FRAS1: variants seen among roughly 807,000 people sequenced by gnomAD.
The protein encoded by FRAS1 is Fraser extracellular matrix complex subunit 1.
A neutral mutation model predicts 435.2 loss-of-function variants in FRAS1; 290 were observed. That is an observed-to-expected ratio of 0.67 (90% confidence interval 0.61 to 0.73). The LOEUF (loss-of-function observed/expected upper bound fraction) is 0.73. Among genes scored for constraint, FRAS1 ranks in the 30% least tolerant of loss-of-function variants. FRAS1 has a pLI of 0.00. For missense variants in FRAS1, 4,860 were observed against 5,001.5 expected, an observed-to-expected ratio of 0.97 and a Z score of 0.85; for synonymous variants, 1,800 against 1,851.0, an observed-to-expected ratio of 0.97 and a Z score of 0.71.
At chr4:78,067,656 C>CT (rs10713099) in intron 2 of FRAS1, among the ~76,000 whole-genome samples, 10 of 137,554 alleles carry the variant, frequency 7.3e-5, no homozygotes, top group African/African-American at 1.1e-4. Flanking sequence ...GTTTCTTTTT[C>CT]TTTTTTTTTC....
chr4:78,432,349 C>A lies in FRAS1; in HGVS notation c.4970-8C>A. On this transcript the variant is annotated splice_polypyrimidine_tract_variant and splice_region_variant and intron_variant, in intron 37 of 73. Coordinates refer to ENST00000512123, the MANE Select transcript of FRAS1 (RefSeq NM_025074.7). The stretch of plus-strand genomic sequence containing the variant: ...CAACTCGTTTGCAATTTGTTTTATT[C>A]TTGGAAGGTGACACTTTCACCTATG... 1 of 1,586,440 alleles carries A rather than the reference C, an allele frequency of 6.3e-7. No individual in the cohort carries two copies. The highest frequency in any genetic ancestry group is 8.6e-7 in the Non-Finnish European group (1 of 1,163,938).
chr4:78,489,968 C>CAAAAAAAAAA (rs61568957), intron 59 of FRAS1, among the ~76,000 whole-genome samples: 1,536 of 91,422 alleles, frequency 0.017, 33 homozygotes, highest in East Asian at 0.04. Context: ...TAGTGGAAAA[C>CAAAAAAAAAA]AAAAAAAAAA....
In FRAS1 at chr4:78,407,894, C is replaced by A. The variant is rs566136450; in HGVS notation, c.4308+53C>A. ...AGTCTGATGAATCCAATAATCCAAT[C>A]GCTCTTATTTATAATCAACTTGAGT... On this transcript the variant is annotated intron_variant, in intron 31 of 73. Transcript: ENST00000512123. 4 of 1,429,238 alleles carry A rather than the reference C, an allele frequency of 2.8e-6. No individual in the cohort carries two copies. In the African/African-American group the frequency reaches 5.7e-5, roughly 21 times the overall value. 88.5% of individuals were successfully genotyped at this position (1,429,238 alleles called of 1,614,324 possible).
intron 2 of FRAS1, chr4:78,181,876 C>G (rs1450397890): frequency 3.8e-5 from 61 of 1,611,710 alleles, no homozygotes; most frequent in Admixed American, 1.2e-4. Flanking sequence ...TCTGGGCCGC[C>G]GCCTGAGCTG....
At chr4:78,153,521 C>A (rs1338926220) in intron 2 of FRAS1, among the ~76,000 whole-genome samples, 1 of 152,182 alleles carries the variant, frequency 6.6e-6, no homozygotes, top group Non-Finnish European at 1.5e-5. Context: ...AAATAGACGG[C>A]TCTTTCCTCT....
At chr4:78,132,516 G>A (rs186303382) in intron 2 of FRAS1, among the ~76,000 whole-genome samples, 1 of 152,166 alleles carries the variant, frequency 6.6e-6, no homozygotes. Context: ...TTACAGAATT[G>A]TAAGCACCTT....
At chr4:78,226,128 C>G (rs1405175243) in intron 2 of FRAS1, among the ~76,000 whole-genome samples, 1 of 152,162 alleles carries the variant, frequency 6.6e-6, no homozygotes, top group Admixed American at 6.5e-5. Context: ...CTCTTCTCAG[C>G]CATTACTATA....
At chr4:78,219,613 T>C (rs1398378418) in intron 2 of FRAS1, among the ~76,000 whole-genome samples, 2 of 152,218 alleles carry the variant, frequency 1.3e-5, no homozygotes, top group East Asian at 3.8e-4. Flanking sequence ...ATTTAAAATA[T>C]ATTTGTGTAA....
chr4:78,499,853 C>T lies in FRAS1; in HGVS notation c.9248C>T (p.Thr3083Met). ...QNRTSKVRCS[T>M]RDGSAQSGVD... ...AGGACCTCCAAGGTTCGCTGCAGCACGCGGGATGGCTCTGCCCAGTCTGGT... is the reference window on the plus strand; with the variant it reads ...AGGACCTCCAAGGTTCGCTGCAGCATGCGGGATGGCTCTGCCCAGTCTGGT... Residue 3083 changes from threonine to methionine, a missense_variant, in exon 61 of 74, where the codon ACG becomes ATG. Coordinates refer to ENST00000512123, the MANE Select transcript of FRAS1 (RefSeq NM_025074.7). The T allele has an allele frequency of 1.2e-6, 2 of 1,613,492 alleles. No homozygotes were observed. Among genetic ancestry groups the T allele is most frequent in the Middle Eastern group, 1.7e-4 (1 of 6,052 alleles).
At chr4:78,473,685 G>A in intron 53 of FRAS1, 88 bp downstream of exon 53, 2 of 932,308 alleles carry the variant, frequency 2.1e-6, no homozygotes, top group Non-Finnish European at 1.6e-6. Flanking sequence ...GGCAGCTCTA[G>A]TCACCTCTTG....
chr4:78,189,230 A>G (rs1228030017), intron 2 of FRAS1, among the ~76,000 whole-genome samples: 1 of 152,184 alleles, frequency 6.6e-6, no homozygotes, highest in African/African-American at 2.4e-5. Flanking sequence ...TAATATTTTC[A>G]TTAAACTTAG....
At chr4:78,120,945 T>C (rs574170057) in intron 2 of FRAS1, among the ~76,000 whole-genome samples, 1 of 152,200 alleles carries the variant, frequency 6.6e-6, no homozygotes, top group Non-Finnish European at 1.5e-5. Context: ...TCGTGGGAAA[T>C]TGAAATGTAG....
chr4:78,429,742 T>A (rs1262323977), intron 36 of FRAS1, among the ~76,000 whole-genome samples: 3 of 152,234 alleles, frequency 2.0e-5, no homozygotes, highest in Non-Finnish European at 4.4e-5. Flanking sequence ...GGTATTGTGA[T>A]TTTTGTTAGG....
chr4:78,117,805 C>A (rs1180194886), intron 2 of FRAS1, among the ~76,000 whole-genome samples: 1,514 of 136,848 alleles, frequency 0.011, no homozygotes, highest in African/African-American at 0.024. Context: ...GTAGTTTGAT[C>A]GTCTGAAGCC....
chr4:78,534,430 T>C lies in FRAS1; in HGVS notation c.10926-19T>C, dbSNP rs1475294894. 6.2e-7 allele frequency: 1 copy of C among 1,605,118 alleles called. No homozygotes were observed. The highest frequency in any genetic ancestry group is 1.1e-5 in the South Asian group (1 of 89,700). On this transcript the variant is annotated intron_variant, in intron 70 of 73. Coordinates refer to ENST00000512123, the MANE Select transcript of FRAS1 (RefSeq NM_025074.7). ...CTGACCCTGCTCTCAAAGAGCTCTT[T>C]GTTTCTCCTTGCATTTAGATTCCTG...
intron 35 of FRAS1, among the ~76,000 whole-genome samples, chr4:78,425,281 G>A (rs1266997094): frequency 3.9e-5 from 6 of 152,092 alleles, no homozygotes; most frequent in Admixed American, 2.0e-4. Context: ...GAGGCGAGTT[G>A]AGAAACTTGG....
chr4:78,157,119 T>C (rs941785536), intron 2 of FRAS1, among the ~76,000 whole-genome samples: 3 of 152,216 alleles, frequency 2.0e-5, no homozygotes, highest in African/African-American at 7.2e-5. Context: ...GACAATGGCC[T>C]CCAGCTGCAT....
At chr4:78,299,707 G>C (rs1728300762) in intron 14 of FRAS1, among the ~76,000 whole-genome samples, 1 of 152,148 alleles carries the variant, frequency 6.6e-6, no homozygotes, top group Non-Finnish European at 1.5e-5. Flanking sequence ...CCACTGCCCT[G>C]ATTAAAACTT....
Position 78,364,018 on chromosome 4 carries a change from C to T in FRAS1, c.2686C>T (p.Pro896Ser). The change falls in exon 22 of 74, where the codon CCT (proline) becomes TCT (serine). Residue 896 changes from proline to serine, a missense_variant. Transcript: ENST00000512123. ...HTGTCSTTCFPGHYLDDNHVC... is the reference protein window; with the variant it reads ...HTGTCSTTCFSGHYLDDNHVC... ...TGGCACCTGCAGCACCACCTGCTTCCCTGGGCACTATCTTGATGACAATCA... is the reference window on the plus strand; with the variant it reads ...TGGCACCTGCAGCACCACCTGCTTCTCTGGGCACTATCTTGATGACAATCA... 1.2e-6 allele frequency: 2 copies of T among 1,602,476 alleles called. No homozygotes were observed. Among genetic ancestry groups the T allele is most frequent in the Non-Finnish European group, 1.7e-6 (2 of 1,174,138 alleles).
Sources: gnomAD v4.1 joint callset for allele counts (sites outside exome capture counted in the v4.1 genomes callset) on GRCh38, gnomAD v4.1.1 for gene constraint, MANE v1.5 for transcripts, NCBI Gene and HGNC (gene_info 2026-07-23, HGNC 2026-07-21) for gene names.